Variants in ARHGAP39 observed in about 807,000 individuals in gnomAD.
ARHGAP39 encodes rho GTPase-activating protein 39.
Under a neutral mutation model 106.9 loss-of-function variants are expected in ARHGAP39, and 44 were observed. The observed-to-expected ratio is 0.41, with a 90% CI of 0.32 to 0.53. ARHGAP39 has a LOEUF of 0.53. Among genes scored for constraint, ARHGAP39 ranks in the 20% least tolerant of loss-of-function variants. ARHGAP39 has a pLI of 0.21. For missense variants in ARHGAP39, 1,496 were observed against 1,577.3 expected (o/e 0.95, Z 0.87); for synonymous variants, 768 against 693.2 (o/e 1.11, Z -1.69).
At chr8:144,566,411 A>C (rs1430782391) in intron 3 of ARHGAP39, among the ~76,000 whole-genome samples, 1 of 152,016 alleles carries the variant, frequency 6.6e-6, no homozygotes, top group Non-Finnish European at 1.5e-5. Flanking sequence ...CAAAAATACA[A>C]AAATAAGCTG....
At chr8:144,619,882 G>GCT (rs1820747252) in intron 1 of ARHGAP39, among the ~76,000 whole-genome samples, 1 of 149,736 alleles carries the variant, frequency 6.7e-6, no homozygotes, top group African/African-American at 2.5e-5. Context: ...GCCCGTGTGA[G>GCT]TGAGCCTGTA....
chr8:144,605,769 G>A (rs1423710668), intron 1 of ARHGAP39, 74 bp from the exon 2 acceptor site: 6 of 728,262 alleles, frequency 8.2e-6, no homozygotes, highest in Admixed American at 4.6e-5. Flanking sequence ...CCAGCCCACC[G>A]CCGCAGACTG....
rs1440968388 is a variant in ARHGAP39 at position 144,679,008 on chromosome 8, G to A, written c.-82+6678C>T. Among the ~76,000 whole-genome samples, 1 of 152,086 alleles carries A rather than the reference G, an allele frequency of 6.6e-6. No homozygotes were observed. The highest frequency in any genetic ancestry group is 1.5e-5 in the Non-Finnish European group (1 of 68,014). On this transcript the variant is annotated intron_variant, in intron 1 of 11. Transcript: ENST00000377307. This position sits in a 1 kb window ranked among gnomAD's most constrained non-coding sequence, Gnocchi z 4.7. ...AGAGGACCTGGAGCCGTACCACATG[G>A]CAGCTGAGAGGGGGACCCAGCACGC...
rs1373672306 is a variant in ARHGAP39 at position 144,530,266 on chromosome 8, A to G, written c.*156T>C. 7.4e-6 allele frequency: 6 copies of G among 805,742 alleles called. No homozygotes were observed. The Admixed American group carries it at 8.6e-5, about 12-fold the overall frequency. 49.9% of individuals were successfully genotyped at this position (805,742 alleles called of 1,614,324 possible). A position where few individuals can be genotyped will look rare whatever the true frequency, so the allele number is the denominator to read the frequency against. On this transcript the variant is annotated 3_prime_UTR_variant, in exon 12 of 12. Coordinates refer to ENST00000377307, the MANE Select transcript of ARHGAP39 (RefSeq NM_025251.3). ...CCCTGGCTGCACCCTCAGACCAGGCAGAAGACGTGGGGAGCGCCGGGGCCA... is the reference window on the plus strand; with the variant it reads ...CCCTGGCTGCACCCTCAGACCAGGCGGAAGACGTGGGGAGCGCCGGGGCCA...
At chr8:144,696,119 T>C in the ARHGAP39 span, among the ~76,000 whole-genome samples, 1 of 152,158 alleles carries the variant, frequency 6.6e-6, no homozygotes, top group Non-Finnish European at 1.5e-5. Flanking sequence ...CTCTGCCGCA[T>C]GTCTTCATAC....
Position 144,591,059 on chromosome 8 carries a change from T to C in ARHGAP39, c.81-9782A>G, listed in dbSNP as rs1285021438. ...ATTCCTGGCAAAGCCCCCATCCCCC[T>C]GGTCCACTCCTCAGCCTGGCCGGTC... On this transcript the variant is annotated intron_variant, in intron 2 of 11. Coordinates refer to ENST00000377307, the MANE Select transcript of ARHGAP39 (RefSeq NM_025251.3). This position sits in a 1 kb window ranked among gnomAD's most constrained non-coding sequence, Gnocchi z 5.3. Among the ~76,000 whole-genome samples, 1 of 152,192 alleles carries C rather than the reference T, an allele frequency of 6.6e-6. No individual in the cohort carries two copies. The highest frequency in any genetic ancestry group is 1.5e-5 in the Non-Finnish European group (1 of 68,026).
intron 1 of ARHGAP39, among the ~76,000 whole-genome samples, chr8:144,664,351 T>G (rs945618429): frequency 1.1e-4 from 16 of 152,164 alleles, no homozygotes; most frequent in Non-Finnish European, 5.9e-5. Flanking sequence ...AAGGCAGCAG[T>G]TTTCCCCAGC....
At chr8:144,562,836 T>C (rs1818251814) in intron 3 of ARHGAP39, among the ~76,000 whole-genome samples, 1 of 152,170 alleles carries the variant, frequency 6.6e-6, no homozygotes, top group Non-Finnish European at 1.5e-5. Context: ...ACTCCAGTGG[T>C]TTCCATCGGA....
intron 7 of ARHGAP39, among the ~76,000 whole-genome samples, chr8:144,536,656 ACTCG>A (rs1028307689): frequency 1.2e-4 from 19 of 152,038 alleles, no homozygotes; most frequent in African/African-American, 4.6e-4. Flanking sequence ...AGGCTGGGTG[ACTCG>A]GGACTGGGCC....
intron 1 of ARHGAP39, among the ~76,000 whole-genome samples, chr8:144,611,119 T>C (rs930985581): frequency 1.3e-5 from 2 of 152,236 alleles, no homozygotes; most frequent in African/African-American, 4.8e-5. Flanking sequence ...ACGCCCAGCC[T>C]CAGAAAGCTT....
intron 6 of ARHGAP39, chr8:144,543,845 G>A (rs796131919): frequency 7.9e-5 from 12 of 152,310 alleles, no homozygotes; most frequent in African/African-American, 2.2e-4. Context: ...TCAGGCCTTT[G>A]TCTGGCTGTC....
At chr8:144,569,150 T>C (rs977770754) in intron 3 of ARHGAP39, among the ~76,000 whole-genome samples, 15 of 152,212 alleles carry the variant, frequency 9.9e-5, no homozygotes. Flanking sequence ...ATCAAATTAA[T>C]ATTGGAGTGC....
chr8:144,666,226 G>A (rs1458160754), intron 1 of ARHGAP39, among the ~76,000 whole-genome samples: 1 of 152,150 alleles, frequency 6.6e-6, no homozygotes. Flanking sequence ...TACCCCCATT[G>A]TATCTTGGAA....
chr8:144,638,990 C>A (rs1821242367), intron 1 of ARHGAP39, among the ~76,000 whole-genome samples: 2 of 152,172 alleles, frequency 1.3e-5, no homozygotes, highest in African/African-American at 4.8e-5. Context: ...TGTTTTCACT[C>A]TGCCACCCTT....
chr8:144,537,841 G>A (rs766130480), intron 6 of ARHGAP39, 28 bp from the exon 7 acceptor site: 104 of 1,605,010 alleles, frequency 6.5e-5, no homozygotes, highest in Middle Eastern at 3.3e-4. Flanking sequence ...CCATCAGCAC[G>A]ACAGAACAAA....
intron 7 of ARHGAP39, among the ~76,000 whole-genome samples, chr8:144,537,266 C>T (rs1028590850): frequency 6.6e-6 from 1 of 152,014 alleles, no homozygotes; most frequent in Non-Finnish European, 1.5e-5. Context: ...AAGCAGGGGA[C>T]GACTCCTTGC....
In ARHGAP39 at chr8:144,586,221, T is replaced by A. The variant is rs1366760757; in HGVS notation, c.81-4944A>T. On this transcript the variant is annotated intron_variant, in intron 2 of 11. Coordinates refer to ENST00000377307, the MANE Select transcript of ARHGAP39 (RefSeq NM_025251.3). This position sits in a 1 kb window ranked among gnomAD's most constrained non-coding sequence, Gnocchi z 4.2. Reference sequence around the variant, plus strand: ...GTCTCGAACTCCTGACCTCAAGTGATCTGCCCGCCTTGGCTTCCCAAAGTG... The same window carrying A: ...GTCTCGAACTCCTGACCTCAAGTGAACTGCCCGCCTTGGCTTCCCAAAGTG... 1 of 152,294 alleles carries A rather than the reference T, an allele frequency of 6.6e-6. No homozygotes were observed. Among genetic ancestry groups the A allele is most frequent in the Non-Finnish European group, 1.5e-5 (1 of 68,100 alleles). 9.4% of individuals were successfully genotyped at this position (152,294 alleles called of 1,614,324 possible).
At chr8:144,540,512 A>C (rs1817145919) in intron 6 of ARHGAP39, among the ~76,000 whole-genome samples, 1 of 152,252 alleles carries the variant, frequency 6.6e-6, no homozygotes. Context: ...AGTATATAGA[A>C]ATATGAGGCC....
chr8:144,555,719 G>C, intron 3 of ARHGAP39, 76 bp from the exon 4 acceptor site: 1 of 1,313,304 alleles, frequency 7.6e-7, no homozygotes, highest in Admixed American at 1.7e-5. Context: ...CCTGACTTAA[G>C]AATGTGGCAC....
Sources: gnomAD v4.1 joint callset for allele counts (sites outside exome capture counted in the v4.1 genomes callset) on GRCh38, gnomAD v4.1.1 for gene constraint, Gnocchi (gnomAD v3.1) non-coding constraint, MANE v1.5 for transcripts, NCBI Gene and HGNC (gene_info 2026-07-23, HGNC 2026-07-21) for gene names.